The following ME2 variants were observed in gnomAD, a reference collection of about 807,000 sequenced individuals.
ME2 encodes the protein NAD-dependent malic enzyme, mitochondrial.
A neutral mutation model predicts 73.7 loss-of-function variants in ME2; 60 were observed. The ratio of observed to expected loss-of-function variants is 0.81; its 90% CI spans 0.66 to 1.01. The LOEUF is 1.01. Among genes scored for constraint, ME2 ranks in the 50% least tolerant of loss-of-function variants. The pLI is 0.00. For synonymous variants in ME2, 199 were observed against 236.9 expected, an observed-to-expected ratio of 0.84 and a Z score of 1.47; for missense variants, 594 against 705.5, an observed-to-expected ratio of 0.84 and a Z score of 1.79.
intron 12 of ME2, among the ~76,000 whole-genome samples, chr18:50,927,720 C>CAATATATATATATATATATA (rs1917589905): frequency 5.6e-5 from 1 of 17,890 alleles, no homozygotes; most frequent in African/African-American, 2.3e-4. Flanking sequence ...CCCCAAAAAA[C>CAATATATATATATATATATA]CATATATATA....
chr18:50,925,615 G>C lies in ME2; in HGVS notation c.1172-141G>C, dbSNP rs867368437. 4 of 629,412 alleles carry C rather than the reference G, an allele frequency of 6.4e-6. 1 individual carries two copies. Among genetic ancestry groups the C allele is most frequent in the African/African-American group, 1.8e-5 (1 of 54,812 alleles). 39.0% of individuals were successfully genotyped at this position (629,412 alleles called of 1,614,324 possible). A position where few individuals can be genotyped will look rare whatever the true frequency, so the allele number is the denominator to read the frequency against. ...TTGAGATTGTGTTCTCATAGATTTT[G>C]CATTGCTGAGATAGTGCTATCTTTG... On this transcript the variant is annotated intron_variant, in intron 11 of 15. Coordinates refer to ENST00000321341, the MANE Select transcript of ME2 (RefSeq NM_002396.5).
intron 3 of ME2, 146 bp from the exon 4 acceptor site, chr18:50,912,654 TA>T: frequency 1.8e-6 from 1 of 569,158 alleles, no homozygotes; most frequent in Non-Finnish European, 2.8e-6. Flanking sequence ...TAAATAGTAA[TA>T]ATCTAAGGTT....
chr18:50,881,884 A>G (rs1916332336), intron 1 of ME2, among the ~76,000 whole-genome samples: 1 of 152,238 alleles, frequency 6.6e-6, no homozygotes, highest in African/African-American at 2.4e-5. Context: ...AAAATAGCCT[A>G]TTAAATAGGT....
chr18:50,899,820 G>A (rs948512949), intron 2 of ME2, among the ~76,000 whole-genome samples: 1 of 152,170 alleles, frequency 6.6e-6, no homozygotes, highest in Non-Finnish European at 1.5e-5. Flanking sequence ...TGAGGACAAT[G>A]ACCATATCTT....
intron 1 of ME2, among the ~76,000 whole-genome samples, chr18:50,892,394 C>G (rs553979800): frequency 3.9e-5 from 6 of 152,222 alleles, no homozygotes; most frequent in Admixed American, 3.9e-4. Context: ...AAAATGTAAG[C>G]TCTGTAAATA....
intron 12 of ME2, among the ~76,000 whole-genome samples, chr18:50,927,902 A>G (rs1917598877): frequency 6.9e-6 from 1 of 145,206 alleles, no homozygotes; most frequent in South Asian, 2.2e-4. Context: ...GCAGACTCCA[A>G]TTCCTGGCTC....
Position 50,920,533 on chromosome 18 carries a change from A to G in ME2, c.812A>G (p.Glu271Gly), listed in dbSNP as rs1018453407. Reference sequence around the variant, plus strand: ...TTCAGGTTCTTGAGAAAGTACCGAGAAAAATATTGTACTTTCAATGATGAT... The same window carrying G: ...TTCAGGTTCTTGAGAAAGTACCGAGGAAAATATTGTACTTTCAATGATGAT... ...NAFRFLRKYR[E>G]KYCTFNDDIQ... is the part of the protein sequence containing the mutation. Residue 271 changes from glutamate to glycine, a missense_variant, in exon 8 of 16, where the codon GAA becomes GGA. Transcript: ENST00000321341. 6.3e-7 allele frequency: 1 copy of G among 1,597,244 alleles called. No individual in the cohort carries two copies.
intron 15 of ME2, among the ~76,000 whole-genome samples, chr18:50,945,881 A>G (rs116759670): frequency 6.6e-6 from 1 of 152,134 alleles, no homozygotes; most frequent in Admixed American, 6.5e-5. Context: ...AGCCTAGCCA[A>G]CATGGCAAAA....
At chr18:50,937,602 A>G (rs1917846954) in intron 13 of ME2, among the ~76,000 whole-genome samples, 2 of 152,168 alleles carry the variant, frequency 1.3e-5, no homozygotes, top group Admixed American at 6.5e-5. Context: ...AAACAAGGAT[A>G]ATGGGAAGAG....
intron 13 of ME2, among the ~76,000 whole-genome samples, chr18:50,937,439 A>G (rs1160288023): frequency 6.6e-6 from 1 of 152,240 alleles, no homozygotes; most frequent in African/African-American, 2.4e-5. Flanking sequence ...CCCCACCCTC[A>G]TGCTCATAGC....
At chr18:50,885,749 G>A (rs868130726) in intron 1 of ME2, among the ~76,000 whole-genome samples, 1 of 151,936 alleles carries the variant, frequency 6.6e-6, no homozygotes, top group African/African-American at 2.4e-5. Context: ...TTTTAAAAGT[G>A]TAGAAACATG....
intron 13 of ME2, among the ~76,000 whole-genome samples, chr18:50,936,593 T>G (rs894573221): frequency 6.6e-6 from 1 of 152,196 alleles, no homozygotes; most frequent in East Asian, 1.9e-4. Context: ...TAAGCTGTTA[T>G]GTGGGACTTA....
At chr18:50,927,361 A>G (rs541878814) in intron 12 of ME2, among the ~76,000 whole-genome samples, 15 of 152,244 alleles carry the variant, frequency 9.9e-5, no homozygotes, top group African/African-American at 3.4e-4. Context: ...TTTATAGTAG[A>G]AAAGTATTAC....
chr18:50,952,918 TACAG>T lies in ME2; in HGVS notation c.*5740_*5743del, dbSNP rs898654091. 1 of 152,216 alleles carries T rather than the reference TACAG, an allele frequency of 6.6e-6. No individual in the cohort carries two copies. Among genetic ancestry groups the T allele is most frequent in the East Asian group, 1.9e-4 (1 of 5,170 alleles). The allele number at this position is 152,216 out of a possible 1,614,324, so 9.4% of individuals were successfully genotyped here. ...TTACCCTCTGTTTCTGTGCCTGATT[TACAG>T]ACAGAGACAGAGGCACAGAGAGGTT... On this transcript the variant is annotated 3_prime_UTR_variant, in exon 16 of 16. Coordinates refer to ENST00000321341, the MANE Select transcript of ME2 (RefSeq NM_002396.5).
chr18:50,890,290 T>G (rs1193432690), intron 1 of ME2, among the ~76,000 whole-genome samples: 1 of 152,178 alleles, frequency 6.6e-6, no homozygotes, highest in Non-Finnish European at 1.5e-5. Context: ...TTTTTTGTAC[T>G]TTTTGTAGAG....
At chr18:50,939,886 GA>G in intron 14 of ME2, 1 of 463,606 alleles carries the variant, frequency 2.2e-6, no homozygotes, top group Non-Finnish European at 3.9e-6. Context: ...TTGTATATCT[GA>G]ATATATTGTG....
In ME2 at chr18:50,917,785, A is replaced by C. The variant is rs543111240; in HGVS notation, c.630+277A>C. Among the ~76,000 whole-genome samples the C allele has an allele frequency of 2.6e-5, 4 of 152,250 alleles. No individual in the cohort carries two copies. In the East Asian group the frequency reaches 7.7e-4, roughly 29 times the overall value. ...TCAGGAGTTCGAGACCAGCCTGGCC[A>C]ACATGGTGAAACCCAGACTCTACTA... On this transcript the variant is annotated intron_variant, in intron 6 of 15. Transcript: ENST00000321341.
chr18:50,940,070 A>G (rs1045364680), intron 14 of ME2: 1 of 525,898 alleles, frequency 1.9e-6, no homozygotes, highest in Admixed American at 3.8e-5. Flanking sequence ...CATGTGTAAT[A>G]TAAAGCAGAA....
intron 1 of ME2, among the ~76,000 whole-genome samples, chr18:50,889,624 G>A (rs1166395757): frequency 6.6e-6 from 1 of 152,110 alleles, no homozygotes; most frequent in African/African-American, 2.4e-5. Context: ...TCCTAATAAT[G>A]ATACATTTGA....
Sources: allele counts gnomAD v4.1 joint callset (sites outside exome capture counted in the v4.1 genomes callset), GRCh38; gene constraint gnomAD v4.1.1; transcripts MANE v1.5; gene names NCBI Gene and HGNC (gene_info 2026-07-23, HGNC 2026-07-21).